The following DHX29 variants were observed in gnomAD, a reference collection of about 807,000 sequenced individuals.
The protein encoded by DHX29 is ATP-dependent RNA helicase DHX29.
A neutral mutation model predicts 167.9 loss-of-function variants in DHX29; 79 were observed. That is an observed-to-expected ratio of 0.47 (90% CI 0.39 to 0.57). The LOEUF (loss-of-function observed/expected upper bound fraction) is 0.57. Among genes scored for constraint, DHX29 ranks in the 20% least tolerant of loss-of-function variants. The pLI, the probability that DHX29 is intolerant of heterozygous loss-of-function variation, is 0.00. For missense variants in DHX29, 1,347 were observed against 1,593.4 expected, an observed-to-expected ratio of 0.85 and a Z score of 2.63; for synonymous variants, 530 against 546.0, an observed-to-expected ratio of 0.97 and a Z score of 0.41.
chr5:55,299,885 G>A (rs1183255327), intron 1 of DHX29, among the ~76,000 whole-genome samples: 1 of 152,118 alleles, frequency 6.6e-6, no homozygotes, highest in African/African-American at 2.4e-5. Context: ...CAGAAACGCT[G>A]TCTAGTCTCA....
rs762593543 is a variant in DHX29, at chr5:55,289,321, A to G, written c.1015T>C (p.Leu339=). The G allele has an allele frequency of 4.4e-6, 7 of 1,592,278 alleles. 1 individual carries two copies. In the South Asian group the frequency reaches 7.0e-5, roughly 16 times the overall value. Residue 339 remains leucine, a synonymous_variant, in exon 8 of 27, where the codon TTG becomes CTG. Transcript: ENST00000251636. ...GATTTTTCAAATAAATTAAAATTCAATGCACTTTCTCCTTCTGTGGCTACA... is the reference window on the plus strand; with the variant it reads ...GATTTTTCAAATAAATTAAAATTCAGTGCACTTTCTCCTTCTGTGGCTACA... ...PPVATEGESA[L]NFNLFEKSAA...
At chr5:55,284,147 C>T (rs1418192424) in intron 10 of DHX29, among the ~76,000 whole-genome samples, 4 of 152,154 alleles carry the variant, frequency 2.6e-5, no homozygotes, top group East Asian at 1.9e-4. Flanking sequence ...TCAGCTTCTG[C>T]ATTTTTAAAA....
At chr5:55,256,581 A>G (rs1746069247) in intron 26 of DHX29, 41 bp from the exon 27 acceptor site, 3 of 1,563,368 alleles carry the variant, frequency 1.9e-6, no homozygotes, top group Non-Finnish European at 2.6e-6. Flanking sequence ...TAAATGCAAC[A>G]TTGTCTAATT....
In DHX29 at chr5:55,269,588, G is replaced by A; in HGVS notation, c.3119C>T (p.Pro1040Leu). The A allele has an allele frequency of 6.2e-7, 1 of 1,614,034 alleles. No homozygotes were observed. Among genetic ancestry groups the A allele is most frequent in the South Asian group, 1.1e-5 (1 of 91,078 alleles). Residue 1040 changes from proline to leucine, a missense_variant, in exon 21 of 27, where the codon CCT becomes CTT. This residue lies in a region of DHX29 where 882 missense variants were observed against 1,082.4 expected (regional missense o/e 0.81). Transcript: ENST00000251636. ...ATTGCTGATCACTTGGAGCTGAGGA[G>A]GATCTAAGGCTTTGGAGAGGAAATC... Reference protein sequence around the residue: ...PEDFLSKALDPPQLQVISNAM... With the variant: ...PEDFLSKALDLPQLQVISNAM...
At position 55,269,400 on chromosome 5, in the gene DHX29, T is replaced by C. The variant is rs1746740151; in HGVS notation, c.3294+13A>G. 12 of 1,608,260 alleles carry C rather than the reference T, an allele frequency of 7.5e-6. No individual in the cohort carries two copies. The highest frequency in any genetic ancestry group is 1.7e-5 in the Admixed American group (1 of 59,992). The stretch of plus-strand genomic sequence containing the variant: ...TATTTAAAGTAAAGAAGCAGCAGCA[T>C]TGTTTGACTTACCACTGGGTCAAGG... On this transcript the variant is annotated intron_variant, in intron 21 of 26. Transcript: ENST00000251636.
At chr5:55,261,591 G>T in intron 24 of DHX29, 92 bp from the exon 25 acceptor site, 4 of 809,906 alleles carry the variant, frequency 4.9e-6, no homozygotes, top group East Asian at 2.6e-5. Context: ...TCTACAATTT[G>T]TTATTCTACA....
intron 16 of DHX29, 109 bp downstream of exon 16, chr5:55,274,505 A>G (rs939712101): frequency 3.8e-4 from 301 of 784,668 alleles, no homozygotes; most frequent in Non-Finnish European, 5.6e-4. Flanking sequence ...CCCATAGGTA[A>G]TTTTAACCCA....
chr5:55,300,813 C>G (rs1479653347), intron 1 of DHX29, among the ~76,000 whole-genome samples: 1 of 152,168 alleles, frequency 6.6e-6, no homozygotes, highest in East Asian at 1.9e-4. Context: ...TATCTGGTAT[C>G]TTAGTCTGCT....
chr5:55,288,361 G>A (rs1203156070), intron 8 of DHX29, among the ~76,000 whole-genome samples: 1 of 151,458 alleles, frequency 6.6e-6, no homozygotes, highest in African/African-American at 2.4e-5. Context: ...ATAATGCAAT[G>A]TGATAAATAC....
intron 1 of DHX29, among the ~76,000 whole-genome samples, chr5:55,299,513 T>C (rs1469515776): frequency 1.3e-5 from 2 of 152,138 alleles, no homozygotes; most frequent in Non-Finnish European, 2.9e-5. Flanking sequence ...TCTCTCACAA[T>C]TCTGGAAGCT....
rs1259501851 is a variant in DHX29, at chr5:55,283,555, A to G, written c.1613T>C (p.Leu538Ser). ...CAAATCTTCCACATTTGCTGATTCC[A>G]AGGACAGTGCAGAAAAATCCTCATC... ...VSDEDFSALSLESANVEDLEP... is the reference protein window; with the variant it reads ...VSDEDFSALSSESANVEDLEP... Residue 538 changes from leucine to serine, a missense_variant, in exon 11 of 27, where the codon TTG becomes TCG. Physicochemically the swap from Leu to Ser is moderately radical, Grantham distance 145. Transcript: ENST00000251636. 6.2e-7 allele frequency: 1 copy of G among 1,614,206 alleles called. No homozygotes were observed. The highest frequency in any genetic ancestry group is 8.5e-7 in the Non-Finnish European group (1 of 1,180,034).
At chr5:55,290,813 G>A (rs533002376) in intron 6 of DHX29, among the ~76,000 whole-genome samples, 3 of 152,212 alleles carry the variant, frequency 2.0e-5, no homozygotes, top group South Asian at 4.1e-4. Context: ...TCAGGAGTTC[G>A]AGACCAGCCT....
In DHX29 at chr5:55,306,618, T is replaced by C. The variant is rs74957663; in HGVS notation, c.187+769A>G. Among the ~76,000 whole-genome samples the C allele has an allele frequency of 5.9e-3, 896 of 152,328 alleles. 4 individuals are homozygous for C. The highest frequency in any genetic ancestry group is 9.8e-3 in the Admixed American group (150 of 15,306). ...TGTCTCTTTTTGCTCATCACATTCC[T>C]CACATCTTATCAGACACATACTAAA... On this transcript the variant is annotated intron_variant, in intron 1 of 26. Coordinates refer to ENST00000251636, the MANE Select transcript of DHX29 (RefSeq NM_019030.4).
Position 55,270,506 on chromosome 5 carries a change from C to G in DHX29, c.2994-19G>C. The stretch of plus-strand genomic sequence containing the variant: ...TTCAAATCTGAAAAATAAAGTAATA[C>G]TAAATACATATTATCAGAAATGTCA... On this transcript the variant is annotated intron_variant, in intron 19 of 26. Coordinates refer to ENST00000251636, the MANE Select transcript of DHX29 (RefSeq NM_019030.4). 6.2e-7 allele frequency: 1 copy of G among 1,613,212 alleles called. No individual in the cohort carries two copies. Among genetic ancestry groups the G allele is most frequent in the Non-Finnish European group, 8.5e-7 (1 of 1,179,742 alleles).
chr5:55,301,159 A>G (rs1281159225), intron 1 of DHX29, among the ~76,000 whole-genome samples: 1 of 152,170 alleles, frequency 6.6e-6, no homozygotes, highest in Non-Finnish European at 1.5e-5. Context: ...CACTGGGGGT[A>G]AGGGTCTCAA....
At position 55,294,137 on chromosome 5, in the gene DHX29, CT is replaced by C; in HGVS notation, c.659del (p.Lys220ArgfsTer8). 1.9e-6 allele frequency: 3 copies of C among 1,586,282 alleles called. No homozygotes were observed. The highest frequency in any genetic ancestry group is 1.1e-5 in the South Asian group (1 of 87,448). ...YEEDPKSKPK[K>X]EEKNMEVNMK... is the part of the protein sequence containing the mutation. ...TATTTACTTCCATATTTTTTTCTTC[CT>C]TTTTTGGCTAGAAAGAGAAAACAAA... On this transcript the variant is annotated frameshift_variant, in exon 6 of 27. Transcript: ENST00000251636. LOFTEE classifies it high-confidence loss of function.
chr5:55,297,333 A>G lies in DHX29; in HGVS notation c.327T>C (p.Asn109=). The change falls in exon 3 of 27, where the codon AAT becomes AAC. Residue 109 remains asparagine (N), a synonymous_variant. Transcript: ENST00000251636. ...TTCCAGAAATCATTCCTTTGTCATTATTTTGCTTTTTATGCTCATTGATCA... is the reference window on the plus strand; with the variant it reads ...TTCCAGAAATCATTCCTTTGTCATTGTTTTGCTTTTTATGCTCATTGATCA... ...IGVINEHKKQ[N]NDKGMISGRL... The G allele has an allele frequency of 4.4e-6, 7 of 1,602,660 alleles. No individual in the cohort carries two copies. Among genetic ancestry groups the G allele is most frequent in the Non-Finnish European group, 6.0e-6 (7 of 1,171,260 alleles).
At position 55,301,478 on chromosome 5, in the gene DHX29, C is replaced by T. The variant is rs564276765; in HGVS notation, c.188-2814G>A. Among the ~76,000 whole-genome samples the T allele has an allele frequency of 5.9e-5, 9 of 152,148 alleles. No individual in the cohort carries two copies. In the East Asian group the frequency reaches 1.2e-3, roughly 20 times the overall value. On this transcript the variant is annotated intron_variant, in intron 1 of 26. Transcript: ENST00000251636. ...CCTGTAATCCCAACACTTTGGGAGG[C>T]CAAGGCAGGTGGATCACCTGAGGTC...
intron 23 of DHX29, among the ~76,000 whole-genome samples, chr5:55,266,821 C>T (rs1246884153): frequency 6.6e-6 from 1 of 151,584 alleles, no homozygotes; most frequent in Non-Finnish European, 1.5e-5. Flanking sequence ...TCACTATGTG[C>T]CCAGGCTGGT....
Sources: gnomAD v4.1 joint callset for allele counts (sites outside exome capture counted in the v4.1 genomes callset) on GRCh38, gnomAD v4.1.1 for gene constraint, gnomAD v4.1.1 regional missense constraint, MANE v1.5 for transcripts, NCBI Gene and HGNC (gene_info 2026-07-23, HGNC 2026-07-21) for gene names.